RIN2: variants seen among roughly 807,000 people sequenced by gnomAD.
RIN2 encodes the protein Ras and Rab interactor 2, also known as RAB5 interacting protein 2.
In RIN2, 36 loss-of-function variants were observed where a neutral mutation model predicts 78.0. The observed-to-expected ratio is 0.46, with a 90% CI of 0.35 to 0.61. The LOEUF (loss-of-function observed/expected upper bound fraction) is 0.61, where lower values mean the gene tolerates loss of function less well. Ranked by LOEUF, RIN2 falls within the 20% of genes least tolerant of loss-of-function variation. RIN2 has a pLI of 0.00. For synonymous variants in RIN2, 466 were observed against 466.8 expected, an observed-to-expected ratio of 1.00 and a Z score of 0.02; for missense variants, 1,087 against 1,159.7, an observed-to-expected ratio of 0.94 and a Z score of 0.91.
chr20:19,844,669 C>CTTCCTCTTCTT (rs1232176696), intron 2 of RIN2, among the ~76,000 whole-genome samples: 1 of 76,166 alleles, frequency 1.3e-5, no homozygotes, highest in African/African-American at 6.2e-5. Flanking sequence ...TCTTCTTCTT[C>CTTCCTCTTCTT]CTTCTTCTTC....
At chr20:19,797,673 C>G (rs1172412682) in intron 1 of RIN2, among the ~76,000 whole-genome samples, 3 of 152,018 alleles carry the variant, frequency 2.0e-5, no homozygotes, top group Admixed American at 6.5e-5. Flanking sequence ...GTGTGTGAAG[C>G]AGGGGTTCAG....
At chr20:19,889,192 T>A (rs1348081007) in intron 2 of RIN2, 1 of 985,282 alleles carries the variant, frequency 1.0e-6, no homozygotes, top group East Asian at 1.1e-4. Context: ...TCTTCAGCTG[T>A]CCCTCTGTGA....
intron 1 of RIN2, among the ~76,000 whole-genome samples, chr20:19,758,742 C>A (rs2033493887): frequency 1.3e-5 from 2 of 151,486 alleles, no homozygotes; most frequent in African/African-American, 4.9e-5. Flanking sequence ...GGAGTTCTAC[C>A]TGCAGGGCTG....
At chr20:19,972,023 TGC>T (rs1362022534) in intron 8 of RIN2, among the ~76,000 whole-genome samples, 1 of 152,184 alleles carries the variant, frequency 6.6e-6, no homozygotes, top group Non-Finnish European at 1.5e-5. Context: ...ATTACAGGCG[TGC>T]GCCACTGTGC....
intron 8 of RIN2, among the ~76,000 whole-genome samples, chr20:19,973,856 C>G (rs147813003): frequency 1.3e-5 from 2 of 152,266 alleles, no homozygotes; most frequent in African/African-American, 4.8e-5. Flanking sequence ...GATCACAGCA[C>G]TACCTCCCTC....
chr20:19,803,244 A>G (rs1248672435), intron 2 of RIN2, among the ~76,000 whole-genome samples: 7 of 152,360 alleles, frequency 4.6e-5, no homozygotes, highest in Admixed American at 2.6e-4. Context: ...AATAATAAGG[A>G]TAAGCAAGTC....
intron 3 of RIN2, among the ~76,000 whole-genome samples, chr20:19,890,679 C>CAAAAAAAAAAAAAAAAAA (rs534202183): frequency 1.1e-4 from 7 of 64,448 alleles, no homozygotes; most frequent in African/African-American, 2.9e-4. Context: ...GTTGACTCTA[C>CAAAAAAAAAAAAAAAAAA]AAAAAAAAAA....
At chr20:19,974,367 T>A (rs1263095981) in intron 8 of RIN2, among the ~76,000 whole-genome samples, 3 of 152,158 alleles carry the variant, frequency 2.0e-5, no homozygotes, top group South Asian at 4.1e-4. Flanking sequence ...CTTTTTTTCT[T>A]CCAACTTACC....
intron 2 of RIN2, among the ~76,000 whole-genome samples, chr20:19,806,541 C>T (rs994088072): frequency 6.6e-6 from 1 of 152,170 alleles, no homozygotes; most frequent in African/African-American, 2.4e-5. Context: ...CCCTGGCTTC[C>T]TGTACTTCCC....
At chr20:19,800,500 C>T (rs571304072) in intron 2 of RIN2, among the ~76,000 whole-genome samples, 9 of 152,282 alleles carry the variant, frequency 5.9e-5, no homozygotes, top group South Asian at 2.1e-4. Context: ...GCAAAGGTGA[C>T]GGGGCTTCCA....
Position 19,975,047 on chromosome 20 carries a change from A to G in RIN2, c.1022A>G (p.Asn341Ser). 1.2e-6 allele frequency: 2 copies of G among 1,613,498 alleles called. No homozygotes were observed. Among genetic ancestry groups the G allele is most frequent in the Non-Finnish European group, 1.7e-6 (2 of 1,179,864 alleles). Residue 341 changes from asparagine (N) to serine (S), a missense_variant, in exon 9 of 13, where the codon AAC becomes AGC. Physicochemically the swap from Asn to Ser is conservative, Grantham distance 46. Transcript: ENST00000255006. This position sits in a 1 kb window ranked among gnomAD's most constrained non-coding sequence, Gnocchi z 4.9. Reference protein sequence around the residue: ...QTSMPETVNHNKHGNVALPGT... With the variant: ...QTSMPETVNHSKHGNVALPGT... Reference sequence around the variant, plus strand: ...AGCATGCCAGAAACAGTCAACCATAACAAACATGGGAACGTAGCTCTGCCT... The same window carrying G: ...AGCATGCCAGAAACAGTCAACCATAGCAAACATGGGAACGTAGCTCTGCCT...
chr20:19,835,015 AGAG>A (rs2036369330), intron 2 of RIN2, among the ~76,000 whole-genome samples: 1 of 152,064 alleles, frequency 6.6e-6, no homozygotes, highest in South Asian at 2.1e-4. Flanking sequence ...AGAAAGAAAA[AGAG>A]AGAGAGAAAA....
chr20:19,844,574 A>AGCTGCTGCT (rs67145587), intron 2 of RIN2, among the ~76,000 whole-genome samples: 9 of 139,814 alleles, frequency 6.4e-5, no homozygotes, highest in African/African-American at 1.9e-4. Context: ...CCAACTAGAG[A>AGCTGCTGCT]GCTGCTGCTG....
chr20:19,974,541 T>A (rs1037909881), intron 8 of RIN2, 113 bp from the exon 9 acceptor site: 1 of 1,067,618 alleles, frequency 9.4e-7, no homozygotes, highest in Non-Finnish European at 1.4e-6. Flanking sequence ...ACGCACCCCC[T>A]ACCCCACCCC....
intron 9 of RIN2, among the ~76,000 whole-genome samples, chr20:19,982,248 C>T (rs532511077): frequency 2.0e-4 from 30 of 152,178 alleles, no homozygotes; most frequent in South Asian, 4.1e-4. Context: ...GGAAGCTGTG[C>T]GTGGCCCTAT....
chr20:19,991,766 T>C (rs1249427730), intron 10 of RIN2, among the ~76,000 whole-genome samples: 1 of 152,218 alleles, frequency 6.6e-6, no homozygotes, highest in East Asian at 1.9e-4. Context: ...ATTATGTTTG[T>C]AAATAATGTG....
chr20:19,780,141 A>G (rs2034450611), intron 1 of RIN2, among the ~76,000 whole-genome samples: 2 of 152,222 alleles, frequency 1.3e-5, no homozygotes, highest in African/African-American at 4.8e-5. Context: ...AATGTGATTC[A>G]GAGCATGAAT....
At chr20:19,868,309 C>T (rs144572235) in intron 2 of RIN2, among the ~76,000 whole-genome samples, 36 of 152,384 alleles carry the variant, frequency 2.4e-4, no homozygotes, top group Non-Finnish European at 3.7e-4. Context: ...CGCTTTCCAC[C>T]GCCTGGCTAC....
chr20:19,936,269 C>G (rs2040639736), intron 4 of RIN2, among the ~76,000 whole-genome samples: 1 of 152,190 alleles, frequency 6.6e-6, no homozygotes, highest in Admixed American at 6.5e-5. Context: ...TTGCAGCACA[C>G]CCAGCATTCT....
Sources: gnomAD v4.1 joint callset for allele counts (sites outside exome capture counted in the v4.1 genomes callset) on GRCh38, gnomAD v4.1.1 for gene constraint, Gnocchi (gnomAD v3.1) non-coding constraint, MANE v1.5 for transcripts, NCBI Gene and HGNC (gene_info 2026-07-23, HGNC 2026-07-21) for gene names.